Variants in ILKAP observed in about 807,000 individuals in gnomAD.
The protein encoded by ILKAP is integrin-linked kinase-associated serine/threonine phosphatase 2C.
A neutral mutation model predicts 49.1 loss-of-function variants in ILKAP; 11 were observed. The observed-to-expected ratio is 0.22, with a 90% confidence interval of 0.14 to 0.37. The LOEUF is 0.37. ILKAP is among the 10% of genes least tolerant of loss of function. ILKAP has a pLI of 1.00. For synonymous variants in ILKAP, 186 were observed against 192.8 expected (o/e 0.96, Z 0.29); for missense variants, 363 against 510.8 (o/e 0.71, Z 2.79).
chr2:238,182,228 C>G, intron 8 of ILKAP, 42 bp from the exon 9 acceptor site: 1 of 1,608,212 alleles, frequency 6.2e-7, no homozygotes, highest in Non-Finnish European at 8.5e-7. Flanking sequence ...ATTCAGTGGG[C>G]GCAGCATCTA....
intron 1 of ILKAP, among the ~76,000 whole-genome samples, chr2:238,202,407 G>C (rs984661092): frequency 2.0e-5 from 3 of 152,016 alleles, no homozygotes; most frequent in African/African-American, 7.2e-5. Context: ...ACCGTAATTA[G>C]TACCCTTCAG....
intron 1 of ILKAP, among the ~76,000 whole-genome samples, chr2:238,196,396 T>C (rs1694349703): frequency 6.6e-6 from 1 of 151,936 alleles, no homozygotes; most frequent in African/African-American, 2.4e-5. Flanking sequence ...TGGTCTAATT[T>C]TTGTATTTTT....
Position 238,188,030 on chromosome 2 carries a change from G to A in ILKAP, c.425+101C>T, listed in dbSNP as rs1693975734. ...AATCACTGATGTACAATCAAGTGAT[G>A]TGTTAGATTTTCTAGTAAATACAAA... On this transcript the variant is annotated intron_variant, in intron 5 of 11. Transcript: ENST00000254654. 4.6e-6 allele frequency: 6 copies of A among 1,297,010 alleles called. No homozygotes were observed. In the South Asian group the frequency reaches 5.3e-5, roughly 11 times the overall value. 80.3% of individuals were successfully genotyped at this position (1,297,010 alleles called of 1,614,324 possible).
At chr2:238,179,493 C>T (rs1387133900) in intron 9 of ILKAP, among the ~76,000 whole-genome samples, 1 of 152,180 alleles carries the variant, frequency 6.6e-6, no homozygotes, top group Non-Finnish European at 1.5e-5. Context: ...CTTTGACATC[C>T]CTGATGAAAT....
intron 9 of ILKAP, chr2:238,173,973 A>C: frequency 3.8e-6 from 1 of 262,198 alleles, no homozygotes. Context: ...CAACTCCAGA[A>C]TCGGATTTGA....
At chr2:238,183,523 T>C (rs1693780670) in intron 8 of ILKAP, 130 bp downstream of exon 8, 5 of 685,008 alleles carry the variant, frequency 7.3e-6, no homozygotes, top group East Asian at 5.7e-5. Context: ...AGCAGAACAC[T>C]CTGCAGCAAC....
Position 238,192,756 on chromosome 2 carries a change from T to C in ILKAP, c.178+1519A>G, listed in dbSNP as rs984008484. On this transcript the variant is annotated intron_variant, in intron 3 of 11. Coordinates refer to ENST00000254654, the MANE Select transcript of ILKAP (RefSeq NM_030768.3). Reference sequence around the variant, plus strand: ...TCGGCTGGGTGCAGTGGCTCACGCCTGTAATCTCAGCACTTTGGGAGGCTG... The same window carrying C: ...TCGGCTGGGTGCAGTGGCTCACGCCCGTAATCTCAGCACTTTGGGAGGCTG... 7.3e-5 allele frequency among the ~76,000 whole-genome samples: 11 copies of C among 150,404 alleles called. No individual in the cohort carries two copies. The South Asian group carries it at 8.4e-4, about 12-fold the overall frequency.
chr2:238,203,436 T>C, intron 1 of ILKAP, 63 bp downstream of exon 1: 3 of 946,780 alleles, frequency 3.2e-6, no homozygotes, highest in Non-Finnish European at 4.0e-6. Context: ...GCCCCGGGCC[T>C]CAGGCCGCCC....
intron 10 of ILKAP, 78 bp from the exon 11 acceptor site, chr2:238,171,102 G>A (rs1017418236): frequency 6.1e-5 from 56 of 914,812 alleles, no homozygotes; most frequent in Non-Finnish European, 8.9e-5. Flanking sequence ...CCTGGAGATG[G>A]AGATAAAATA....
intron 1 of ILKAP, among the ~76,000 whole-genome samples, chr2:238,199,874 C>T (rs1559303015): frequency 6.6e-6 from 1 of 152,026 alleles, no homozygotes; most frequent in African/African-American, 2.4e-5. Flanking sequence ...CTTGTTCCCC[C>T]AAAGCGCTGG....
At chr2:238,179,976 C>T (rs1233971478) in intron 9 of ILKAP, among the ~76,000 whole-genome samples, 1 of 151,954 alleles carries the variant, frequency 6.6e-6, no homozygotes, top group Non-Finnish European at 1.5e-5. Context: ...TTAGCTCAGC[C>T]TGGAAAACAC....
At chr2:238,181,589 C>T (rs1432580409) in intron 9 of ILKAP, among the ~76,000 whole-genome samples, 1 of 151,268 alleles carries the variant, frequency 6.6e-6, no homozygotes, top group Non-Finnish European at 1.5e-5. Context: ...AAAACTGTAA[C>T]TTATTCAATG....
At chr2:238,193,786 A>C (rs993481965) in intron 3 of ILKAP, among the ~76,000 whole-genome samples, 12 of 152,212 alleles carry the variant, frequency 7.9e-5, no homozygotes, top group African/African-American at 2.9e-4. Flanking sequence ...CAACCAGAGG[A>C]GCTCTACCTA....
intron 3 of ILKAP, among the ~76,000 whole-genome samples, chr2:238,191,297 A>G (rs1694112518): frequency 6.6e-6 from 1 of 151,904 alleles, no homozygotes; most frequent in Non-Finnish European, 1.5e-5. Context: ...ACACCCAGCT[A>G]ATTTTTGTAT....
Position 238,184,022 on chromosome 2 carries a change from G to T in ILKAP, c.624C>A (p.Ser208Arg). 6.3e-7 allele frequency: 1 copy of T among 1,584,324 alleles called. No individual in the cohort carries two copies. The highest frequency in any genetic ancestry group is 8.7e-7 in the Non-Finnish European group (1 of 1,152,876). The change falls in exon 7 of 12, where the codon AGC becomes AGA. Residue 208 changes from serine (S) to arginine (R), a missense_variant and splice_region_variant. Physicochemically the swap from Ser to Arg is moderately radical, Grantham distance 110 (BLOSUM62 -1). This residue lies in a region of ILKAP where 166 missense variants were observed against 307.3 expected (regional missense o/e 0.54). Transcript: ENST00000254654. ...TDEEFLKQAS[S>R]QKPAWKDGST... is the part of the protein sequence containing the mutation. ...CTTCATCATCAAGTTATACTTACTG[G>T]CTGGAAGCTTGTTTAAGGAACTCTT...
At position 238,188,921 on chromosome 2, in the gene ILKAP, T is replaced by A. The variant is rs116248537; in HGVS notation, c.299-664A>T. 5.4e-4 allele frequency among the ~76,000 whole-genome samples: 82 copies of A among 152,338 alleles called. 1 individual carries two copies. The highest frequency in any genetic ancestry group is 1.9e-3 in the African/African-American group (79 of 41,576). ...GTGACAAGCTAAGTTGAAGATGACA[T>A]CTTCCCAGCAAAGCTACAAGTGGGT... On this transcript the variant is annotated intron_variant, in intron 4 of 11. Transcript: ENST00000254654.
intron 1 of ILKAP, among the ~76,000 whole-genome samples, chr2:238,195,989 A>G (rs1218859532): frequency 8.9e-6 from 1 of 112,080 alleles, no homozygotes; most frequent in African/African-American, 3.9e-5. Context: ...GGCTTCAGTG[A>G]GCCATGATTG....
At chr2:238,203,273 T>C (rs1231927326) in intron 1 of ILKAP, among the ~76,000 whole-genome samples, 1 of 150,782 alleles carries the variant, frequency 6.6e-6, no homozygotes, top group African/African-American at 2.4e-5. Flanking sequence ...CCTTCCTGCG[T>C]AGCGAAAATG....
At chr2:238,182,337 G>A (rs1693731187) in intron 8 of ILKAP, 151 bp from the exon 9 acceptor site, 3 of 942,634 alleles carry the variant, frequency 3.2e-6, no homozygotes, top group Non-Finnish European at 3.2e-6. Flanking sequence ...CGTAAGTTCA[G>A]AGAATCAAGC....
Sources: allele counts gnomAD v4.1 joint callset (sites outside exome capture counted in the v4.1 genomes callset), GRCh38; gene constraint gnomAD v4.1.1; regional missense constraint gnomAD v4.1.1; transcripts MANE v1.5; gene names NCBI Gene and HGNC (gene_info 2026-07-23, HGNC 2026-07-21).